Variants in PBRM1 observed in about 807,000 individuals in gnomAD.
The protein encoded by PBRM1 is polybromo 1.
Under a neutral mutation model 194.5 loss-of-function variants are expected in PBRM1, and 27 were observed. That is an observed-to-expected ratio of 0.14 (90% CI 0.10 to 0.19). The LOEUF (loss-of-function observed/expected upper bound fraction) is 0.19, where lower values mean the gene tolerates loss of function less well. PBRM1 is among the 10% of genes least tolerant of loss of function. PBRM1 has a pLI of 1.00. For synonymous variants in PBRM1, 655 were observed against 693.2 expected (o/e 0.94, Z 0.87); for missense variants, 1,466 against 2,077.2 (o/e 0.71, Z 5.72).
intron 3 of PBRM1, among the ~76,000 whole-genome samples, chr3:52,666,046 G>A (rs2096827141): frequency 6.6e-6 from 1 of 151,992 alleles, no homozygotes; most frequent in Non-Finnish European, 1.5e-5. Context: ...AAATTTTAGA[G>A]GTAATAAGAG....
At chr3:52,685,712 G>A (rs2097303208) in intron 1 of PBRM1, 37 bp downstream of exon 1, 1 of 154,508 alleles carries the variant, frequency 6.5e-6, no homozygotes, top group Admixed American at 6.6e-5. Flanking sequence ...AGCTGACCAA[G>A]GGGGAGCGGC....
At chr3:52,547,412 A>G (rs1016257733), downstream of PBRM1, 19 of 233,136 alleles carry the variant, frequency 8.1e-5, no homozygotes, top group East Asian at 5.4e-4. Flanking sequence ...CACTGATTAC[A>G]TATTTCTGTA....
At chr3:52,566,906 T>C (rs1423841247) in intron 22 of PBRM1, among the ~76,000 whole-genome samples, 1 of 151,894 alleles carries the variant, frequency 6.6e-6, no homozygotes, top group Non-Finnish European at 1.5e-5. Context: ...CCGTCTCTAC[T>C]AAAAATACAA....
intron 6 of PBRM1, among the ~76,000 whole-genome samples, chr3:52,649,716 C>CT (rs1205109247): frequency 6.6e-6 from 1 of 152,192 alleles, no homozygotes; most frequent in African/African-American, 2.4e-5. Flanking sequence ...AATTAAGTCT[C>CT]TGAGCACGGG....
At chr3:52,610,163 T>C (rs2076562355) in intron 15 of PBRM1, among the ~76,000 whole-genome samples, 1 of 152,194 alleles carries the variant, frequency 6.6e-6, no homozygotes, top group Non-Finnish European at 1.5e-5. Context: ...GGGAGACTAC[T>C]GTAAGGTTGA....
chr3:52,674,643 A>AAAAAAAATAT (rs1193129880), intron 2 of PBRM1, among the ~76,000 whole-genome samples: 1 of 72,420 alleles, frequency 1.4e-5, no homozygotes, highest in African/African-American at 4.1e-5. Flanking sequence ...AAAAAAAAAA[A>AAAAAAAATAT]ATATATATAT....
At chr3:52,682,979 C>T (rs2097233849), upstream of PBRM1, among the ~76,000 whole-genome samples, 1 of 152,052 alleles carries the variant, frequency 6.6e-6, no homozygotes, top group African/African-American at 2.4e-5. Flanking sequence ...GCGGATGGAT[C>T]ACCTGAGGTC....
chr3:52,590,664 C>T (rs1026792833), intron 17 of PBRM1, among the ~76,000 whole-genome samples: 3 of 152,128 alleles, frequency 2.0e-5, no homozygotes, highest in Admixed American at 1.3e-4. Context: ...GACAGTCTCA[C>T]TCTGTCACCC....
chr3:52,549,178 C>A (rs1023706417), intron 29 of PBRM1, among the ~76,000 whole-genome samples: 2 of 152,044 alleles, frequency 1.3e-5, no homozygotes, highest in Non-Finnish European at 2.9e-5. Context: ...AGACACCACG[C>A]CCAGCTAATT....
At chr3:52,549,044 A>G (rs551182777) in intron 29 of PBRM1, among the ~76,000 whole-genome samples, 1 of 148,444 alleles carries the variant, frequency 6.7e-6, no homozygotes, top group African/African-American at 2.5e-5. Flanking sequence ...TTTTTTAGAC[A>G]GAGTCTTATT....
chr3:52,546,768 G>A, downstream of PBRM1: 1 of 233,188 alleles, frequency 4.3e-6, no homozygotes, highest in Non-Finnish European at 8.5e-6. Flanking sequence ...ATATAAGAAA[G>A]ACAGGGTCAC....
chr3:52,617,554 T>G lies in PBRM1; in HGVS notation c.1542-16A>C. ...GTTCTTTTTACTGTTGAGGGGGAGG[T>G]AGAAAAGGGGAAAAATTAGAATAGG... is the stretch of plus-strand genomic sequence containing the variant. On this transcript the variant is annotated splice_polypyrimidine_tract_variant and intron_variant, in intron 13 of 29. Coordinates refer to ENST00000296302, the Ensembl canonical transcript of PBRM1. The G allele has an allele frequency of 1.9e-6, 3 of 1,574,088 alleles. No homozygotes were observed. The highest frequency in any genetic ancestry group is 2.6e-6 in the Non-Finnish European group (3 of 1,167,178).
intron 5 of PBRM1, 138 bp downstream of exon 6, chr3:52,658,060 TG>T: frequency 1.8e-6 from 1 of 571,310 alleles, no homozygotes; most frequent in Non-Finnish European, 3.2e-6. Context: ...CCCAAAGTGC[TG>T]GGATTACAGG....
At chr3:52,670,759 C>T (rs1311992833) in intron 2 of PBRM1, among the ~76,000 whole-genome samples, 1 of 152,172 alleles carries the variant, frequency 6.6e-6, no homozygotes, top group Non-Finnish European at 1.5e-5. Context: ...ACTTGGGAGG[C>T]TGAGGGAGGA....
At chr3:52,667,671 T>C (rs1019014231) in intron 3 of PBRM1, among the ~76,000 whole-genome samples, 1 of 149,836 alleles carries the variant, frequency 6.7e-6, no homozygotes, top group African/African-American at 2.5e-5. Context: ...GAGAATCACT[T>C]GAACCTGGGA....
At chr3:52,630,271 C>T in intron 11 of PBRM1, among the ~76,000 whole-genome samples, 1 of 152,086 alleles carries the variant, frequency 6.6e-6, no homozygotes, top group Non-Finnish European at 1.5e-5. Context: ...ATATGGAGTC[C>T]ACACTGTCTA....
chr3:52,643,429 T>C, intron 8 of PBRM1, 86 bp from the exon 10 acceptor site: 1 of 839,774 alleles, frequency 1.2e-6, no homozygotes, highest in Non-Finnish European at 2.0e-6. Context: ...AACCATTTTC[T>C]TCTCTTCTAA....
intron 2 of PBRM1, among the ~76,000 whole-genome samples, chr3:52,675,406 C>G (rs1004195644): frequency 6.6e-6 from 1 of 152,136 alleles, no homozygotes; most frequent in Non-Finnish European, 1.5e-5. Context: ...GACAAAGATA[C>G]TACAAGAAAA....
At chr3:52,669,472 T>C (rs573383868) in intron 2 of PBRM1, among the ~76,000 whole-genome samples, 2 of 152,344 alleles carry the variant, frequency 1.3e-5, no homozygotes, top group Non-Finnish European at 2.9e-5. Context: ...GTATTTTTTC[T>C]GGCTTTCTTC....
Sources: gnomAD v4.1 joint callset for allele counts (sites outside exome capture counted in the v4.1 genomes callset) on GRCh38, gnomAD v4.1.1 for gene constraint, MANE v1.5 for transcripts, NCBI Gene and HGNC (gene_info 2026-07-23, HGNC 2026-07-21) for gene names.